GSE1: variants seen among roughly 807,000 people sequenced by gnomAD.
GSE1 encodes the protein genetic suppressor element 1.
A neutral mutation model predicts 112.6 loss-of-function variants in GSE1; 32 were observed. The observed-to-expected ratio is 0.28, with a 90% CI of 0.21 to 0.38. The LOEUF is 0.38. Among genes scored for constraint, GSE1 ranks in the 10% least tolerant of loss-of-function variants. GSE1 has a pLI of 1.00. For missense variants in GSE1, 2,348 were observed against 1,699.2 expected, an observed-to-expected ratio of 1.38 and a Z score of -6.71; for synonymous variants, 1,115 against 735.6, an observed-to-expected ratio of 1.52 and a Z score of -8.35.
At chr16:85,639,196 C>T (rs1039963898) in intron 2 of GSE1, among the ~76,000 whole-genome samples, 11 of 152,166 alleles carry the variant, frequency 7.2e-5, no homozygotes, top group African/African-American at 1.9e-4. Context: ...GGGACGTCCC[C>T]GGGGCCGCCC....
chr16:85,569,953 G>T (rs568671531), intron 1 of GSE1, among the ~76,000 whole-genome samples: 2 of 152,038 alleles, frequency 1.3e-5, no homozygotes, highest in African/African-American at 2.4e-5. Context: ...GGAGGTGGGG[G>T]TTTCAATCCC....
chr16:85,499,139 G>A (rs1357416810), intron 2 of GSE1, among the ~76,000 whole-genome samples: 1 of 149,502 alleles, frequency 6.7e-6, no homozygotes, highest in Non-Finnish European at 1.5e-5. Flanking sequence ...CTGAGTATGA[G>A]TAGGACTCTA....
At chr16:85,205,425 C>A (rs947189791) in intron 1 of GSE1, among the ~76,000 whole-genome samples, 1 of 152,218 alleles carries the variant, frequency 6.6e-6, no homozygotes, top group Non-Finnish European at 1.5e-5. Context: ...AGCCACCGCG[C>A]CCAGCCTTGT....
At chr16:85,641,009 G>GA (rs1386974476) in intron 2 of GSE1, among the ~76,000 whole-genome samples, 21 of 152,370 alleles carry the variant, frequency 1.4e-4, no homozygotes, top group Non-Finnish European at 2.8e-4. Flanking sequence ...GCACAGTGGG[G>GA]AGCCCTGGGC....
At chr16:85,294,616 ACTCTCTCT>A (rs756560732) in intron 1 of GSE1, among the ~76,000 whole-genome samples, 15,985 of 76,648 alleles carry the variant, frequency 0.21, 1,150 homozygotes, top group Admixed American at 0.32. Context: ...CACGCCTCTC[ACTCTCTCT>A]CTCTCTCTCT....
chr16:85,170,277 G>A (rs1038467201), exon 1 of GSE1: 12 of 985,590 alleles, frequency 1.2e-5, no homozygotes, highest in South Asian at 4.7e-5. Context: ...CCAAGTCCGG[G>A]GTTAGGCGCC....
chr16:85,423,104 A>G (rs763890379), intron 2 of GSE1, among the ~76,000 whole-genome samples: 4 of 152,210 alleles, frequency 2.6e-5, no homozygotes, highest in Non-Finnish European at 4.4e-5. Flanking sequence ...GAGCAGAGTC[A>G]GCTCCCCAGG....
intron 14 of GSE1, 21 bp downstream of exon 14, chr16:85,668,445 AGG>A: frequency 1.0e-6 from 1 of 956,738 alleles, no homozygotes; most frequent in Non-Finnish European, 1.6e-6. Flanking sequence ...GCTGGGGAAG[AGG>A]GGGGAGGGGG....
chr16:85,428,857 G>T (rs116243684), intron 2 of GSE1, among the ~76,000 whole-genome samples: 1 of 152,176 alleles, frequency 6.6e-6, no homozygotes. Flanking sequence ...CGCCTGGGGG[G>T]TCCCTGGTGT....
chr16:85,189,848 G>T (rs2074785410), intron 1 of GSE1, among the ~76,000 whole-genome samples: 1 of 152,144 alleles, frequency 6.6e-6, no homozygotes, highest in African/African-American at 2.4e-5. Context: ...ATGCCTGTAG[G>T]TTCTGTAATG....
At chr16:85,595,348 G>C (rs2047177585) in intron 1 of GSE1, 1 of 152,224 alleles carries the variant, frequency 6.6e-6, no homozygotes, top group Non-Finnish European at 1.5e-5. Flanking sequence ...TCTCTTTGGG[G>C]GCCCAGCTTC....
At chr16:85,170,283 G>T in exon 1 of GSE1, 4 of 985,724 alleles carry the variant, frequency 4.1e-6, no homozygotes, top group Non-Finnish European at 4.8e-6. Flanking sequence ...CCGGGGTTAG[G>T]CGCCGGCGGA....
chr16:85,511,887 G>A (rs1479901149), intron 2 of GSE1, among the ~76,000 whole-genome samples: 1 of 152,130 alleles, frequency 6.6e-6, no homozygotes, highest in East Asian at 1.9e-4. Flanking sequence ...TCCAACTTTT[G>A]GCCTCCAGAT....
At chr16:85,661,967 G>T (rs1253399052) in intron 9 of GSE1, among the ~76,000 whole-genome samples, 1 of 152,218 alleles carries the variant, frequency 6.6e-6, no homozygotes, top group Non-Finnish European at 1.5e-5. Flanking sequence ...CCCCGTGCCT[G>T]TCCTGCCTCG....
chr16:85,444,455 C>T (rs758167064), intron 2 of GSE1, among the ~76,000 whole-genome samples: 4 of 152,108 alleles, frequency 2.6e-5, no homozygotes, highest in Admixed American at 6.5e-5. Context: ...AGGCCGCTGG[C>T]GTTGAGAGCT....
At chr16:85,331,323 CTGTGTGTGTGTGTGTGTG>C (rs71151278) in intron 1 of GSE1, among the ~76,000 whole-genome samples, 9 of 84,506 alleles carry the variant, frequency 1.1e-4, no homozygotes, top group East Asian at 3.3e-4. Context: ...CAGCTAATTT[CTGTGTGTGTGTGTGTGTG>C]TGTGTGTGTG....
At chr16:85,363,886 C>T (rs2047133467) in intron 2 of GSE1, among the ~76,000 whole-genome samples, 1 of 152,204 alleles carries the variant, frequency 6.6e-6, no homozygotes, top group Admixed American at 6.5e-5. Flanking sequence ...CAGAAGGTCC[C>T]TTCCCTCTGC....
chr16:85,448,746 C>T (rs921922408), intron 2 of GSE1, among the ~76,000 whole-genome samples: 4 of 152,210 alleles, frequency 2.6e-5, no homozygotes, highest in African/African-American at 7.2e-5. Context: ...CATCCCCGGC[C>T]CTGCAACCCG....
chr16:85,466,589 C>G (rs540522831), intron 2 of GSE1, among the ~76,000 whole-genome samples: 1 of 152,226 alleles, frequency 6.6e-6, no homozygotes, highest in Admixed American at 6.5e-5. Flanking sequence ...TTCTTGAAGA[C>G]TCACTGCGGG....
Sources: gnomAD v4.1 joint callset for allele counts (sites outside exome capture counted in the v4.1 genomes callset) on GRCh38, gnomAD v4.1.1 for gene constraint, MANE v1.5 for transcripts, NCBI Gene and HGNC (gene_info 2026-07-23, HGNC 2026-07-21) for gene names.